Variants in GRM8 observed in about 807,000 individuals in gnomAD.
GRM8 encodes the protein glutamate metabotropic receptor 8.
In GRM8, 47 loss-of-function variants were observed where a neutral mutation model predicts 87.2. The ratio of observed to expected loss-of-function variants is 0.54; its 90% CI spans 0.43 to 0.69. The LOEUF (loss-of-function observed/expected upper bound fraction) is 0.69. GRM8 is among the 30% of genes least tolerant of loss of function. The pLI is 0.00. For synonymous variants in GRM8, 396 were observed against 404.5 expected, an observed-to-expected ratio of 0.98 and a Z score of 0.25; for missense variants, 1,019 against 1,139.2, an observed-to-expected ratio of 0.89 and a Z score of 1.52.
intron 6 of GRM8, among the ~76,000 whole-genome samples, chr7:126,843,429 G>A (rs1171863897): frequency 1.3e-5 from 2 of 152,222 alleles, no homozygotes; most frequent in East Asian, 1.9e-4. Flanking sequence ...TGAGATCCAA[G>A]TGAAATGCAA....
chr7:127,166,998 A>G (rs925782780), intron 2 of GRM8, among the ~76,000 whole-genome samples: 1 of 152,150 alleles, frequency 6.6e-6, no homozygotes, highest in Admixed American at 6.5e-5. Flanking sequence ...TGCAAGCATG[A>G]GTTGAATTAA....
rs552964937 is a variant in GRM8, at chr7:126,882,191, T to C, written c.1156+20351A>G. 8.5e-5 allele frequency among the ~76,000 whole-genome samples: 13 copies of C among 152,282 alleles called. No individual in the cohort carries two copies. In the South Asian group the frequency reaches 2.1e-3, roughly 24 times the overall value. ...TTAATTTTGCTTTTGGTTTGGGGCTTTAAGTACACAAACAGGTTTTTTTTT... is the reference window on the plus strand; with the variant it reads ...TTAATTTTGCTTTTGGTTTGGGGCTCTAAGTACACAAACAGGTTTTTTTTT... On this transcript the variant is annotated intron_variant, in intron 6 of 10. Coordinates refer to ENST00000339582, the MANE Select transcript of GRM8 (RefSeq NM_000845.3).
chr7:126,614,164 C>A (rs1251226728), intron 7 of GRM8, among the ~76,000 whole-genome samples: 1 of 152,130 alleles, frequency 6.6e-6, no homozygotes, highest in Non-Finnish European at 1.5e-5. Flanking sequence ...GGCCGGGTAC[C>A]CTTCTGAGAC....
intron 3 of GRM8, among the ~76,000 whole-genome samples, chr7:127,060,574 C>A (rs1687237640): frequency 6.6e-6 from 1 of 151,990 alleles, no homozygotes; most frequent in Non-Finnish European, 1.5e-5. Context: ...AAAATATAGG[C>A]AGAATATCTG....
At chr7:127,091,274 C>T (rs975171682) in intron 3 of GRM8, among the ~76,000 whole-genome samples, 1 of 151,944 alleles carries the variant, frequency 6.6e-6, no homozygotes, top group Non-Finnish European at 1.5e-5. Flanking sequence ...TCCTGTCATA[C>T]CCCACTGATC....
At chr7:126,684,169 G>C (rs1024339834) in intron 7 of GRM8, among the ~76,000 whole-genome samples, 1 of 152,170 alleles carries the variant, frequency 6.6e-6, no homozygotes, top group Non-Finnish European at 1.5e-5. Flanking sequence ...CACGATCACT[G>C]TATATGGAGT....
chr7:126,723,864 A>C (rs1408598726), intron 7 of GRM8, among the ~76,000 whole-genome samples: 1 of 152,164 alleles, frequency 6.6e-6, no homozygotes, highest in Non-Finnish European at 1.5e-5. Context: ...GGTCAAGGTA[A>C]AAAACACAAG....
chr7:126,987,429 G>A (rs1487989170), intron 3 of GRM8, among the ~76,000 whole-genome samples: 3 of 150,030 alleles, frequency 2.0e-5, no homozygotes, highest in Non-Finnish European at 1.5e-5. Flanking sequence ...AGGACAAGAA[G>A]CATATCTTGT....
intron 6 of GRM8, among the ~76,000 whole-genome samples, chr7:126,806,944 C>T (rs1321622887): frequency 2.0e-5 from 3 of 152,196 alleles, no homozygotes; most frequent in Admixed American, 6.5e-5. Flanking sequence ...AGAGAGGGGC[C>T]CCCACAGCTC....
intron 9 of GRM8, among the ~76,000 whole-genome samples, chr7:126,488,429 G>A (rs1018373355): frequency 2.6e-5 from 4 of 151,994 alleles, no homozygotes; most frequent in Admixed American, 2.6e-4. Flanking sequence ...GTCACACTCA[G>A]GAAAATGTTA....
chr7:126,875,530 AATTAT>A, intron 6 of GRM8, among the ~76,000 whole-genome samples: 1 of 152,320 alleles, frequency 6.6e-6, no homozygotes, highest in South Asian at 2.1e-4. Flanking sequence ...AATAGCAAAC[AATTAT>A]ATGTTCCCCA....
At chr7:126,763,327 G>T (rs1441188825) in intron 7 of GRM8, among the ~76,000 whole-genome samples, 1 of 149,762 alleles carries the variant, frequency 6.7e-6, no homozygotes, top group Non-Finnish European at 1.5e-5. Flanking sequence ...ATTTCAAATG[G>T]ATAATACTTT....
chr7:126,466,109 T>C (rs1457513747), intron 9 of GRM8, among the ~76,000 whole-genome samples: 2 of 151,958 alleles, frequency 1.3e-5, no homozygotes, highest in Non-Finnish European at 2.9e-5. Flanking sequence ...AATAAGTGTG[T>C]CTTTTATTAA....
chr7:126,784,337 A>G (rs2151648539), intron 6 of GRM8, among the ~76,000 whole-genome samples: 1 of 152,358 alleles, frequency 6.6e-6, no homozygotes, highest in East Asian at 1.9e-4. Flanking sequence ...AAATATTTTC[A>G]TCTTTAAACT....
rs980283683 is a variant in GRM8 at position 126,543,308 on chromosome 7, C to T, written c.1495-9421G>A. ...TATTTCTCGTTCTTAGAGATTACAA[C>T]TCATAGGTTTGAGAAAGAACCCTAT... On this transcript the variant is annotated intron_variant, in intron 8 of 10. Transcript: ENST00000339582. 5.3e-5 allele frequency among the ~76,000 whole-genome samples: 8 copies of T among 152,198 alleles called. No homozygotes were observed. The South Asian group carries it at 1.2e-3, about 24-fold the overall frequency.
chr7:126,462,492 C>T (rs1804000686), intron 9 of GRM8, among the ~76,000 whole-genome samples: 1 of 151,498 alleles, frequency 6.6e-6, no homozygotes, highest in Admixed American at 6.6e-5. Context: ...ACAATTATCA[C>T]ATGTAATATT....
intron 3 of GRM8, among the ~76,000 whole-genome samples, chr7:127,002,316 A>G (rs1339892999): frequency 6.6e-6 from 1 of 151,722 alleles, no homozygotes; most frequent in Non-Finnish European, 1.5e-5. Context: ...CTTACCCACA[A>G]GTAAGCTGGA....
intron 2 of GRM8, among the ~76,000 whole-genome samples, chr7:127,132,262 T>G (rs1827729426): frequency 6.6e-6 from 1 of 152,232 alleles, no homozygotes; most frequent in South Asian, 2.1e-4. Context: ...AATTTGAGAT[T>G]CACACGCTAA....
chr7:126,723,604 G>C (rs1812666802), intron 7 of GRM8, among the ~76,000 whole-genome samples: 1 of 151,970 alleles, frequency 6.6e-6, no homozygotes, highest in Non-Finnish European at 1.5e-5. Context: ...CACTGCCAAA[G>C]ATATCAAGGG....
Sources: gnomAD v4.1 joint callset for allele counts (sites outside exome capture counted in the v4.1 genomes callset) on GRCh38, gnomAD v4.1.1 for gene constraint, MANE v1.5 for transcripts, NCBI Gene and HGNC (gene_info 2026-07-23, HGNC 2026-07-21) for gene names.